The following TTLL6 variants were observed in gnomAD, a reference collection of about 807,000 sequenced individuals.
TTLL6 encodes the protein tubulin polyglutamylase TTLL6.
In TTLL6, 75 loss-of-function variants were observed where a neutral mutation model predicts 96.4. That is an observed-to-expected ratio of 0.78 (90% CI 0.65 to 0.94). The LOEUF (loss-of-function observed/expected upper bound fraction) is 0.94. Ranked by LOEUF, TTLL6 falls within the 40% of genes least tolerant of loss-of-function variation. The pLI is 0.00. For missense variants in TTLL6, 1,030 were observed against 1,093.0 expected, an observed-to-expected ratio of 0.94 and a Z score of 0.81; for synonymous variants, 411 against 419.4, an observed-to-expected ratio of 0.98 and a Z score of 0.24.
intron 3 of TTLL6, 28 bp downstream of exon 3, chr17:48,803,863 T>G (rs1422852445): frequency 1.3e-6 from 2 of 1,551,540 alleles, no homozygotes; most frequent in African/African-American, 2.7e-5. Flanking sequence ...GGGTCCCCAT[T>G]ATAGATCTCC....
Position 48,769,196 on chromosome 17 carries a change from C to A in TTLL6, c.2469G>T (p.Arg823Ser). The part of the protein sequence containing the change: ...HSRSDSSGEK[R>S]QLDVSSLLLQ... ...AGAGGAGGGAGGACACATCCAGCTG[C>A]CTCTTCTCGCCAGAGCTGTCACTGC... is the stretch of plus-strand genomic sequence containing the variant. Residue 823 changes from arginine (R) to serine (S), a missense_variant, in exon 15 of 16, where the codon AGG (arginine) becomes AGT (serine). Physicochemically the swap from Arg to Ser is moderately radical, Grantham distance 110 (BLOSUM62 -1). Transcript: ENST00000393382. 6.2e-7 allele frequency: 1 copy of A among 1,613,644 alleles called. No homozygotes were observed. The highest frequency in any genetic ancestry group is 1.1e-5 in the South Asian group (1 of 91,050).
At chr17:48,804,312 TAAG>T (rs1427178788) in intron 2 of TTLL6, 1 of 488,960 alleles carries the variant, frequency 2.0e-6, no homozygotes, top group Non-Finnish European at 4.0e-6. Context: ...AAGCTATGAA[TAAG>T]AAAGTGGACA....
intron 13 of TTLL6, among the ~76,000 whole-genome samples, chr17:48,783,532 A>G (rs1217227535): frequency 1.3e-5 from 2 of 151,938 alleles, no homozygotes; most frequent in Non-Finnish European, 2.9e-5. Flanking sequence ...ACCGGGTTCA[A>G]GCAATTCTGT....
chr17:48,812,082 C>G (rs571069493), intron 1 of TTLL6: 1 of 127,876 alleles, frequency 7.8e-6, no homozygotes, highest in Non-Finnish European at 1.6e-5. Context: ...CCCCACCCCC[C>G]GCTCAGACTT....
rs148569040 is a variant in TTLL6 at position 48,813,504 on chromosome 17, A to T, written c.103+3466T>A. 9.5e-4 allele frequency among the ~76,000 whole-genome samples: 144 copies of T among 152,328 alleles called. 1 individual carries two copies. The East Asian group carries it at 0.011, about 12-fold the overall frequency. On this transcript the variant is annotated intron_variant, in intron 1 of 15. Coordinates refer to ENST00000393382, the MANE Select transcript of TTLL6 (RefSeq NM_001130918.3). ...AGCCCGGGAGGCTGAGGTTGCAGCG[A>T]GTAGAGATCACACAACTGCACTCCA...
intron 1 of TTLL6, among the ~76,000 whole-genome samples, chr17:48,808,834 G>A (rs543422049): frequency 1.8e-4 from 28 of 152,228 alleles, no homozygotes; most frequent in Non-Finnish European, 3.2e-4. Context: ...GCCTCCCAAA[G>A]TGCTGGGATT....
intron 2 of TTLL6, 174 bp downstream of exon 2, chr17:48,804,598 A>C (rs1056093192): frequency 3.0e-6 from 2 of 667,194 alleles, no homozygotes; most frequent in Non-Finnish European, 5.3e-6. Context: ...TGATTCTATA[A>C]AACAGATCAT....
chr17:48,771,027 G>A (rs112540954), intron 13 of TTLL6, among the ~76,000 whole-genome samples: 15 of 152,200 alleles, frequency 9.9e-5, no homozygotes, highest in Non-Finnish European at 1.9e-4. Flanking sequence ...GCAGCTTTTT[G>A]TCCGAGGACA....
intron 9 of TTLL6, 138 bp from the exon 10 acceptor site, chr17:48,790,244 G>T: frequency 2.3e-6 from 2 of 876,436 alleles, no homozygotes; most frequent in East Asian, 2.5e-5. Context: ...AGGGGAGAGA[G>T]CATCTGGACT....
chr17:48,773,443 A>C (rs1157283992), intron 13 of TTLL6, among the ~76,000 whole-genome samples: 1 of 152,188 alleles, frequency 6.6e-6, no homozygotes, highest in East Asian at 1.9e-4. Context: ...CCACACCCAG[A>C]CACATTACAG....
chr17:48,809,569 A>C (rs1383372550), intron 1 of TTLL6, among the ~76,000 whole-genome samples: 1 of 152,154 alleles, frequency 6.6e-6, no homozygotes, highest in Non-Finnish European at 1.5e-5. Context: ...TGTCTGCCTC[A>C]AAGAGTAAGC....
At chr17:48,798,954 A>G (rs924482708) in intron 6 of TTLL6, among the ~76,000 whole-genome samples, 1 of 150,980 alleles carries the variant, frequency 6.6e-6, no homozygotes, top group Non-Finnish European at 1.5e-5. Context: ...CTCAGCCTCT[A>G]GAGTAGCTGG....
Position 48,770,848 on chromosome 17 carries a change from G to A in TTLL6, c.2041-751C>T, listed in dbSNP as rs555481093. Among the ~76,000 whole-genome samples, 7 of 150,366 alleles carry A rather than the reference G, an allele frequency of 4.7e-5. No individual in the cohort carries two copies. In the South Asian group the frequency reaches 1.3e-3, roughly 28 times the overall value. On this transcript the variant is annotated intron_variant, in intron 13 of 15. Coordinates refer to ENST00000393382, the MANE Select transcript of TTLL6 (RefSeq NM_001130918.3). ...CAGGAGAATCACTTGAACTTGAGAG[G>A]CAGAGGTTGCAGTGAGCCGAGATCA...
chr17:48,816,801 G>T (rs1349511775), intron 1 of TTLL6, among the ~76,000 whole-genome samples, 169 bp downstream of exon 1: 1 of 152,200 alleles, frequency 6.6e-6, no homozygotes, highest in Non-Finnish European at 1.5e-5. Flanking sequence ...CCGAGGGACC[G>T]TGAGGGTGAG....
intron 3 of TTLL6, among the ~76,000 whole-genome samples, chr17:48,803,488 A>C (rs371808019): frequency 6.8e-4 from 103 of 151,628 alleles, no homozygotes; most frequent in African/African-American, 2.4e-3. Flanking sequence ...CGTGTCAAAA[A>C]AAAAAACAAA....
chr17:48,810,936 T>C (rs572704939), intron 1 of TTLL6, among the ~76,000 whole-genome samples: 4 of 147,998 alleles, frequency 2.7e-5, no homozygotes, highest in African/African-American at 7.4e-5. Flanking sequence ...CTCTATTCCT[T>C]CATGCCAGCA....
chr17:48,781,233 G>A (rs2038979267), intron 13 of TTLL6, among the ~76,000 whole-genome samples: 1 of 151,598 alleles, frequency 6.6e-6, no homozygotes, highest in Non-Finnish European at 1.5e-5. Flanking sequence ...TTTTAGTAGA[G>A]ATGGGGTTTC....
At chr17:48,790,305 C>T (rs2039194991) in intron 9 of TTLL6, among the ~76,000 whole-genome samples, 199 bp from the exon 10 acceptor site, 1 of 152,194 alleles carries the variant, frequency 6.6e-6, no homozygotes, top group Non-Finnish European at 1.5e-5. Context: ...GTTAAACCAG[C>T]TTTTATCTCA....
rs528942659 is a variant in TTLL6 at position 48,799,667 on chromosome 17, G to A, written c.705C>T (p.Ile235=). 6 of 1,551,870 alleles carry A rather than the reference G, an allele frequency of 3.9e-6. No individual in the cohort carries two copies. In the Admixed American group the frequency reaches 5.9e-5, roughly 15 times the overall value. The change falls in exon 6 of 16, where the codon ATC becomes ATT. Residue 235 remains isoleucine, a synonymous_variant. Coordinates refer to ENST00000393382, the MANE Select transcript of TTLL6 (RefSeq NM_001130918.3). ...DSGCQGKGIF[I]TRTVKEIKPG... is the part of the protein sequence containing the mutation. ...GTTTGATTTCTTTCACTGTCCGGGT[G>A]ATGAATATACCTTTCCCTTGGCAGC...
Sources: allele counts gnomAD v4.1 joint callset (sites outside exome capture counted in the v4.1 genomes callset), GRCh38; gene constraint gnomAD v4.1.1; transcripts MANE v1.5; gene names NCBI Gene and HGNC (gene_info 2026-07-23, HGNC 2026-07-21).